Variants in ATP5PO observed in about 807,000 individuals in gnomAD.
ATP5PO encodes ATP synthase peripheral stalk subunit OSCP.
ATP5PO carries 14 observed loss-of-function variants against 26.2 expected under a neutral mutation model. The observed-to-expected ratio is 0.53, with a 90% confidence interval of 0.35 to 0.83. The LOEUF (loss-of-function observed/expected upper bound fraction) is 0.83, where lower values mean the gene tolerates loss of function less well. Among genes scored for constraint, ATP5PO ranks in the 40% least tolerant of loss-of-function variants. The pLI is 0.01. For missense variants in ATP5PO, 241 were observed against 258.5 expected (o/e 0.93, Z 0.46); for synonymous variants, 106 against 95.1 (o/e 1.12, Z -0.67).
At position 33,909,127 on chromosome 21, in the gene ATP5PO, T is replaced by G; in HGVS notation, c.283A>C (p.Ile95Leu). Residue 95 changes from isoleucine to leucine, a missense_variant, in exon 4 of 7, where the codon ATC becomes CTC. Physicochemically the swap from Ile to Leu is conservative, Grantham distance 5. Coordinates refer to ENST00000290299, the MANE Select transcript of ATP5PO (RefSeq NM_001697.3). ...RSIKVKSLNDITAKERFSPLT... is the reference protein window; with the variant it reads ...RSIKVKSLNDLTAKERFSPLT... The stretch of plus-strand genomic sequence containing the variant: ...GGAGAGAACCTCTCTTTTGCTGTGA[T>G]GTCATTTAGGCTTTTCACTTTAATG... 6.2e-7 allele frequency: 1 copy of G among 1,613,162 alleles called. No individual in the cohort carries two copies. The highest frequency in any genetic ancestry group is 1.1e-5 in the South Asian group (1 of 91,056).
At chr21:33,907,299 G>A in intron 5 of ATP5PO, 42 bp downstream of exon 5, 1 of 1,504,180 alleles carries the variant, frequency 6.6e-7, no homozygotes, top group East Asian at 2.3e-5. Context: ...GGTGACACAT[G>A]TAATATCAAG....
Position 33,915,513 on chromosome 21 carries a change from G to A in ATP5PO, c.36+215C>T, listed in dbSNP as rs1987302087. The A allele has an allele frequency of 6.1e-6, 4 of 652,536 alleles. No individual in the cohort carries two copies. The South Asian group carries it at 8.8e-5, about 14-fold the overall frequency. 40.4% of individuals were successfully genotyped at this position (652,536 alleles called of 1,614,324 possible). ...AGGGGCTGTGCTCGGAAGACGCCAA[G>A]GTTACGGCACGCGCAGCCCCGCGCC... On this transcript the variant is annotated intron_variant, in intron 1 of 6. Coordinates refer to ENST00000290299, the MANE Select transcript of ATP5PO (RefSeq NM_001697.3).
intron 5 of ATP5PO, chr21:33,906,661 C>T: frequency 2.2e-6 from 1 of 456,224 alleles, no homozygotes; most frequent in Non-Finnish European, 4.4e-6. Context: ...CTACTCCTTC[C>T]CACTCACCAC....
Position 33,903,543 on chromosome 21 carries a change from TA to T in ATP5PO, c.624del (p.Met209CysfsTer?). 1 of 1,613,674 alleles carries T rather than the reference TA, an allele frequency of 6.2e-7. No individual in the cohort carries two copies. Among genetic ancestry groups the T allele is most frequent in the Non-Finnish European group, 8.5e-7 (1 of 1,179,790 alleles). ...VKTKIQKLGR[A>X]MREIV ...CAACACTTTTAGACAATCTCCCGCA[TA>T]GCCCTGCCCAGCTTCTGAATCTTGG... On this transcript the variant is annotated frameshift_variant, in exon 7 of 7. Transcript: ENST00000290299. LOFTEE classifies it high-confidence loss of function.
chr21:33,912,311 T>C lies in ATP5PO; in HGVS notation c.176A>G (p.Glu59Gly). 6.2e-7 allele frequency: 1 copy of C among 1,613,100 alleles called. No homozygotes were observed. Among genetic ancestry groups the C allele is most frequent in the Non-Finnish European group, 8.5e-7 (1 of 1,179,372 alleles). ...TACTGCTACTCTCAACAACTCCTTT[T>C]CTACTTGCTCCAGCTTATTCTGTTT... ...ASKQNKLEQV[E>G]KELLRVAQIL... Residue 59 changes from glutamate to glycine, a missense_variant, in exon 3 of 7, where the codon GAA (glutamate) becomes GGA (glycine). By Grantham distance (98) the Glu-to-Gly change is moderately conservative. Coordinates refer to ENST00000290299, the MANE Select transcript of ATP5PO (RefSeq NM_001697.3).
At chr21:33,909,428 G>A (rs980041759) in intron 3 of ATP5PO, among the ~76,000 whole-genome samples, 8 of 139,158 alleles carry the variant, frequency 5.7e-5, no homozygotes, top group Non-Finnish European at 1.1e-4. Flanking sequence ...ACCATGTCCC[G>A]CTAATTTTTG....
intron 4 of ATP5PO, among the ~76,000 whole-genome samples, chr21:33,907,826 T>C (rs1290674197): frequency 6.6e-6 from 1 of 152,178 alleles, no homozygotes; most frequent in African/African-American, 2.4e-5. Context: ...ATCTTGTCTC[T>C]TAAAATCACA....
chr21:33,911,800 A>G (rs112590002), intron 3 of ATP5PO, among the ~76,000 whole-genome samples: 1 of 149,182 alleles, frequency 6.7e-6, no homozygotes, highest in Admixed American at 6.8e-5. Context: ...AGTAGCTGGG[A>G]TTACAGGTGT....
intron 5 of ATP5PO, among the ~76,000 whole-genome samples, chr21:33,904,505 A>G (rs1480619678): frequency 6.6e-6 from 1 of 151,880 alleles, no homozygotes; most frequent in Non-Finnish European, 1.5e-5. Context: ...CTGGCTGTTC[A>G]TCTCCCCGCA....
rs114179065 is a variant in ATP5PO at position 33,912,201 on chromosome 21, G to A, written c.198+88C>T. The A allele has an allele frequency of 7.7e-3, 8,492 of 1,106,040 alleles. 189 individuals carry two copies. Among genetic ancestry groups the A allele is most frequent in the African/African-American group, 0.077 (4,877 of 63,584 alleles). 68.5% of individuals were successfully genotyped at this position (1,106,040 alleles called of 1,614,324 possible). On this transcript the variant is annotated intron_variant, in intron 3 of 6. Transcript: ENST00000290299. ...GCTTTTTCCCAGTTTTTTCTTGTAG[G>A]ATACACCTCATTAGGAATGCACAAA...
chr21:33,904,370 C>A (rs1987141476), intron 5 of ATP5PO, among the ~76,000 whole-genome samples: 1 of 151,966 alleles, frequency 6.6e-6, no homozygotes, highest in African/African-American at 2.4e-5. Context: ...GCAGCCCCAT[C>A]AATGCAGGAG....
At chr21:33,914,380 C>G in intron 2 of ATP5PO, 70 bp downstream of exon 2, 11 of 1,484,352 alleles carry the variant, frequency 7.4e-6, no homozygotes, top group Non-Finnish European at 1.0e-5. Flanking sequence ...AATCCACGCC[C>G]TGACTGTACT....
chr21:33,909,110 CCT>C lies in ATP5PO; in HGVS notation c.298_299del (p.Arg100ValfsTer14), dbSNP rs777041979. On this transcript the variant is annotated frameshift_variant, in exon 4 of 7. Coordinates refer to ENST00000290299, the MANE Select transcript of ATP5PO (RefSeq NM_001697.3). LOFTEE classifies it high-confidence loss of function. ...KSLNDITAKE[R>X]FSPLTTNLIN... is the part of the protein sequence containing the mutation. ...TCAGATTGGTAGTGAGGGGAGAGAACCTCTCTTTTGCTGTGATGTCATTTAGG... is the reference window on the plus strand; with the variant it reads ...TCAGATTGGTAGTGAGGGGAGAGAACCTCTTTTGCTGTGATGTCATTTAGG... The C allele has an allele frequency of 1.7e-5, 27 of 1,612,580 alleles. No individual in the cohort carries two copies. The highest frequency in any genetic ancestry group is 1.9e-5 in the Non-Finnish European group (22 of 1,178,680).
At chr21:33,914,548 T>C in intron 1 of ATP5PO, 48 bp from the exon 2 acceptor site, 1 of 1,562,426 alleles carries the variant, frequency 6.4e-7, no homozygotes, top group Non-Finnish European at 8.8e-7. Flanking sequence ...ACTTGAAGGA[T>C]TTCTGCATTT....
intron 2 of ATP5PO, 62 bp from the exon 3 acceptor site, chr21:33,912,461 T>A (rs1987262671): frequency 9.0e-7 from 1 of 1,115,744 alleles, no homozygotes; most frequent in East Asian, 2.4e-5. Flanking sequence ...TAGTATACTC[T>A]CAAGAGCAGA....
intron 3 of ATP5PO, among the ~76,000 whole-genome samples, chr21:33,911,203 G>C (rs771626503): frequency 6.6e-6 from 1 of 152,114 alleles, no homozygotes; most frequent in Non-Finnish European, 1.5e-5. Context: ...CGGTGAAAAC[G>C]AAAGCAGACA....
At position 33,908,845 on chromosome 21, in the gene ATP5PO, A is replaced by G. The variant is rs923277888; in HGVS notation, c.328+237T>C. ...CACAGTTGAAACTACTGACTATACA[A>G]TTAGACATGCTTAGGTCCTAGTATC... On this transcript the variant is annotated intron_variant, in intron 4 of 6. Coordinates refer to ENST00000290299, the MANE Select transcript of ATP5PO (RefSeq NM_001697.3). 2.2e-5 allele frequency: 9 copies of G among 414,042 alleles called. 1 individual carries two copies. Among genetic ancestry groups the G allele is most frequent in the East Asian group, 1.4e-4 (4 of 27,880 alleles). The allele number at this position is 414,042 out of a possible 1,614,324, so 25.6% of individuals were successfully genotyped here. A position where few individuals can be genotyped will look rare whatever the true frequency, so the allele number is the denominator to read the frequency against.
Position 33,914,509 on chromosome 21 carries a change from C to T in ATP5PO, c.37-9G>A. 1 of 1,610,926 alleles carries T rather than the reference C, an allele frequency of 6.2e-7. No homozygotes were observed. The highest frequency in any genetic ancestry group is 8.5e-7 in the Non-Finnish European group (1 of 1,178,602). On this transcript the variant is annotated splice_polypyrimidine_tract_variant and intron_variant, in intron 1 of 6. Transcript: ENST00000290299. ...GTACTGAAGCATCGCACCTTCAAAG[C>T]AATAAAGGAAAATAGATCAAACAAA...
At chr21:33,906,319 G>A (rs1474563328) in intron 5 of ATP5PO, 1 of 235,662 alleles carries the variant, frequency 4.2e-6, no homozygotes, top group African/African-American at 2.4e-5. Context: ...ACATTTGACT[G>A]AGTTACATAG....
Sources: gnomAD v4.1 joint callset for allele counts (sites outside exome capture counted in the v4.1 genomes callset) on GRCh38, gnomAD v4.1.1 for gene constraint, MANE v1.5 for transcripts, NCBI Gene and HGNC (gene_info 2026-07-23, HGNC 2026-07-21) for gene names.